The following PRKACB variants were observed in gnomAD, a reference collection of about 807,000 sequenced individuals.
PRKACB encodes the protein cAMP-dependent protein kinase catalytic subunit beta.
In PRKACB, 16 loss-of-function variants were observed where a neutral mutation model predicts 51.4. The ratio of observed to expected loss-of-function variants is 0.31; its 90% CI spans 0.21 to 0.47. The LOEUF (loss-of-function observed/expected upper bound fraction) is 0.47. PRKACB is among the 20% of genes least tolerant of loss of function. The probability of loss-of-function intolerance (pLI) is 1.00; values close to 1 mark genes in which losing one functional copy is unlikely to be tolerated. For synonymous variants in PRKACB, 147 were observed against 154.4 expected (o/e 0.95, Z 0.35); for missense variants, 309 against 464.5 (o/e 0.67, Z 3.08).
At chr1:84,175,562 T>A (rs1329497520) in intron 1 of PRKACB, among the ~76,000 whole-genome samples, 4 of 151,764 alleles carry the variant, frequency 2.6e-5, no homozygotes, top group Admixed American at 2.6e-4. Flanking sequence ...TTATATGGGA[T>A]GAAGTTATGC....
intron 1 of PRKACB, among the ~76,000 whole-genome samples, chr1:84,089,596 C>T (rs1022273320): frequency 1.3e-5 from 2 of 152,154 alleles, no homozygotes; most frequent in African/African-American, 2.4e-5. Context: ...CACAATGTTT[C>T]TCTATACTCT....
intron 1 of PRKACB, among the ~76,000 whole-genome samples, chr1:84,089,207 C>G (rs755386765): frequency 3.3e-5 from 5 of 152,072 alleles, no homozygotes; most frequent in Non-Finnish European, 5.9e-5. Context: ...AAATTCAAAC[C>G]TCCTGTAGAA....
chr1:84,172,175 C>T (rs985539196), intron 1 of PRKACB, among the ~76,000 whole-genome samples: 2 of 151,492 alleles, frequency 1.3e-5, no homozygotes, highest in Non-Finnish European at 3.0e-5. Context: ...TTGTTACTGC[C>T]GAAGTTGATA....
intron 1 of PRKACB, among the ~76,000 whole-genome samples, chr1:84,109,723 AT>A (rs1018171482): frequency 6.6e-6 from 1 of 151,568 alleles, no homozygotes; most frequent in African/African-American, 2.4e-5. Context: ...TTTACTTTAA[AT>A]TTTTTTTATT....
intron 1 of PRKACB, among the ~76,000 whole-genome samples, chr1:84,169,216 TATTTAGAAAA>T (rs1234661598): frequency 2.6e-5 from 4 of 151,688 alleles, no homozygotes; most frequent in Non-Finnish European, 5.9e-5. Context: ...AATGAACTTA[TATTTAGAAAA>T]TATTTGTGCA....
intron 5 of PRKACB, among the ~76,000 whole-genome samples, chr1:84,192,789 C>A (rs1264426010): frequency 6.6e-6 from 1 of 152,092 alleles, no homozygotes; most frequent in Non-Finnish European, 1.5e-5. Context: ...TGAATGATTC[C>A]TATAACGTTT....
At chr1:84,093,038 G>A (rs1013241609) in intron 1 of PRKACB, among the ~76,000 whole-genome samples, 16 of 151,722 alleles carry the variant, frequency 1.1e-4, no homozygotes, top group African/African-American at 3.6e-4. Context: ...TTCATAGCTT[G>A]CCTTTTCACT....
chr1:84,105,896 A>G (rs534961261), intron 1 of PRKACB, among the ~76,000 whole-genome samples: 5 of 152,212 alleles, frequency 3.3e-5, no homozygotes, highest in African/African-American at 9.6e-5. Flanking sequence ...TTTTTTGAAT[A>G]CTGTTGGCTT....
chr1:84,164,030 T>A (rs1656654493), intron 1 of PRKACB, among the ~76,000 whole-genome samples: 1 of 152,050 alleles, frequency 6.6e-6, no homozygotes, highest in African/African-American at 2.4e-5. Flanking sequence ...TGCCAGTAAC[T>A]TTTTTGTGTA....
rs112718797 is a variant in PRKACB at position 84,170,160 on chromosome 1, C to T, written c.188-9017C>T. ...AAGCATACTTCAACTGCCCTGAGGA[C>T]ATTTTTAGACCTTGGTGGGGCTTTC... On this transcript the variant is annotated intron_variant, in intron 1 of 9. Coordinates refer to ENST00000370685, the MANE Select transcript of PRKACB (RefSeq NM_182948.4). 1.9e-3 allele frequency among the ~76,000 whole-genome samples: 289 copies of T among 151,660 alleles called. 3 individuals carry two copies. The highest frequency in any genetic ancestry group is 6.7e-3 in the African/African-American group (276 of 41,476).
In PRKACB at chr1:84,085,667, T is replaced by C. The variant is rs530543529; in HGVS notation, c.46+7296T>C. 2.9e-3 allele frequency: 493 copies of C among 172,800 alleles called. 1 individual carries two copies. Among genetic ancestry groups the C allele is most frequent in the South Asian group, 0.015 (75 of 5,140 alleles). The allele number at this position is 172,800 out of a possible 1,614,324, so 10.7% of individuals were successfully genotyped here. A position where few individuals can be genotyped will look rare whatever the true frequency, so the allele number is the denominator to read the frequency against. ...CTTTTGATCTACATTTAAGGAATGATAGTAAAGGACAGGAGTGCCCTTGTC... is the reference window on the plus strand; with the variant it reads ...CTTTTGATCTACATTTAAGGAATGACAGTAAAGGACAGGAGTGCCCTTGTC... On this transcript the variant is annotated intron_variant, in intron 1 of 8. Transcript: ENST00000370688.
intron 1 of PRKACB, among the ~76,000 whole-genome samples, chr1:84,082,575 A>G (rs1647629493): frequency 6.6e-6 from 1 of 151,932 alleles, no homozygotes; most frequent in African/African-American, 2.4e-5. Context: ...TTATTATTTG[A>G]ACTTGTATTA....
intron 6 of PRKACB, 40 bp downstream of exon 6, chr1:84,196,782 A>C: frequency 1.3e-6 from 2 of 1,553,760 alleles, no homozygotes; most frequent in South Asian, 2.4e-5. Flanking sequence ...ATATGAGAAA[A>C]TACTAGGCAA....
In PRKACB at chr1:84,236,591, G is replaced by A. The variant is rs1476924344; in HGVS notation, c.*1286G>A. Reference sequence around the variant, plus strand: ...CTAACCTCTGTTCTCTCAGTAAACAGAATGTCTGATCGATCATGCAGATAC... The same window carrying A: ...CTAACCTCTGTTCTCTCAGTAAACAAAATGTCTGATCGATCATGCAGATAC... On this transcript the variant is annotated 3_prime_UTR_variant, in exon 10 of 10. Transcript: ENST00000370685. 6.6e-6 allele frequency: 1 copy of A among 152,634 alleles called. No homozygotes were observed. The highest frequency in any genetic ancestry group is 1.5e-5 in the Non-Finnish European group (1 of 68,032). 9.5% of individuals were successfully genotyped at this position (152,634 alleles called of 1,614,324 possible). A position where few individuals can be genotyped will look rare whatever the true frequency, so the allele number is the denominator to read the frequency against.
chr1:84,202,175 A>G (rs1670317092), intron 7 of PRKACB, among the ~76,000 whole-genome samples: 1 of 152,230 alleles, frequency 6.6e-6, no homozygotes, highest in African/African-American at 2.4e-5. Context: ...GATTATCCCT[A>G]GCACATTCAC....
Position 84,144,280 on chromosome 1 carries a change from G to T in PRKACB, c.-82G>T. On this transcript the variant is annotated 5_prime_UTR_variant, in exon 1 of 10. Coordinates refer to ENST00000370685, the MANE Select transcript of PRKACB (RefSeq NM_182948.4). ...AAACAGGAAGTTTGACACATGCATA[G>T]CTCTTAGCTTCTGTGTAAGAAGTTG... 6.4e-7 allele frequency: 1 copy of T among 1,559,082 alleles called. No individual in the cohort carries two copies. Among genetic ancestry groups the T allele is most frequent in the East Asian group, 2.3e-5 (1 of 43,144 alleles).
At chr1:84,158,027 G>T (rs1302728465) in intron 1 of PRKACB, among the ~76,000 whole-genome samples, 1 of 151,440 alleles carries the variant, frequency 6.6e-6, no homozygotes, top group African/African-American at 2.4e-5. Context: ...GAGGGTTCCA[G>T]TTTTTTCACA....
chr1:84,205,306 A>C, intron 8 of PRKACB: 1 of 963,220 alleles, frequency 1.0e-6, no homozygotes, highest in Non-Finnish European at 1.2e-6. Context: ...AATTCAAACT[A>C]GAATGTGTCT....
intron 1 of PRKACB, among the ~76,000 whole-genome samples, chr1:84,136,210 TA>T (rs1289673867): frequency 6.6e-6 from 1 of 152,080 alleles, no homozygotes; most frequent in Non-Finnish European, 1.5e-5. Flanking sequence ...AATGCTTCTA[TA>T]GCTTTTAAAA....
Sources: gnomAD v4.1 joint callset for allele counts (sites outside exome capture counted in the v4.1 genomes callset) on GRCh38, gnomAD v4.1.1 for gene constraint, MANE v1.5 for transcripts, NCBI Gene and HGNC (gene_info 2026-07-23, HGNC 2026-07-21) for gene names.